The following TMEM14B variants were observed in gnomAD, a reference collection of about 807,000 sequenced individuals.
The protein encoded by TMEM14B is transmembrane protein 14B.
TMEM14B carries 9 observed loss-of-function variants against 14.8 expected under a neutral mutation model. The observed-to-expected ratio is 0.61, with a 90% CI of 0.37 to 1.06. TMEM14B has a LOEUF of 1.06. TMEM14B is among the 50% of genes least tolerant of loss of function. The pLI, the probability that TMEM14B is intolerant of heterozygous loss-of-function variation, is 0.01. For missense variants in TMEM14B, 128 were observed against 143.6 expected (o/e 0.89, Z 0.56); for synonymous variants, 40 against 51.3 (o/e 0.78, Z 0.94).
At chr6:10,749,341 A>G in intron 2 of TMEM14B, 73 bp downstream of exon 2, 1 of 1,570,566 alleles carries the variant, frequency 6.4e-7, no homozygotes, top group Non-Finnish European at 8.8e-7. Flanking sequence ...TCAGCTGAAA[A>G]GAACCCTAAG....
At chr6:10,751,694 T>C (rs1771577267) in intron 4 of TMEM14B, among the ~76,000 whole-genome samples, 1 of 152,046 alleles carries the variant, frequency 6.6e-6, no homozygotes, top group African/African-American at 2.4e-5. Context: ...CTGCGTTACG[T>C]TTTTCACATT....
At chr6:10,757,818 C>T (rs1353204871), downstream of TMEM14B, among the ~76,000 whole-genome samples, 3 of 152,128 alleles carry the variant, frequency 2.0e-5, no homozygotes, top group South Asian at 4.1e-4. Flanking sequence ...TGGTGAAACC[C>T]TGTCTCTACT....
chr6:10,749,782 C>T, intron 3 of TMEM14B, 84 bp downstream of exon 3: 2 of 1,526,450 alleles, frequency 1.3e-6, no homozygotes, highest in Non-Finnish European at 1.8e-6. Context: ...GAGAAGCAAT[C>T]TCGTTTGACT....
chr6:10,751,027 T>C (rs2127494498), intron 3 of TMEM14B, 106 bp from the exon 4 acceptor site: 1 of 1,358,442 alleles, frequency 7.4e-7, no homozygotes, highest in East Asian at 2.4e-5. Flanking sequence ...GTGAGCTGTG[T>C]TGAGAGTTCT....
At chr6:10,755,721 A>G in intron 5 of TMEM14B, 1 of 970,794 alleles carries the variant, frequency 1.0e-6, no homozygotes, top group Non-Finnish European at 1.2e-6. Context: ...GTGGGAGGCC[A>G]TGGCGGGCAT....
At chr6:10,755,353 G>A in intron 5 of TMEM14B, 121 bp downstream of exon 5, 1 of 1,559,504 alleles carries the variant, frequency 6.4e-7, no homozygotes, top group Non-Finnish European at 8.7e-7. Flanking sequence ...ACTGACGTTT[G>A]ACTTATACAC....
chr6:10,759,577 G>C (rs1451906610), downstream of TMEM14B: 1 of 152,170 alleles, frequency 6.6e-6, no homozygotes, highest in Non-Finnish European at 1.5e-5. Context: ...TGTGTAATTG[G>C]ACTTTGTAAA....
At chr6:10,749,542 A>G in intron 2 of TMEM14B, 80 bp from the exon 3 acceptor site, 1 of 1,504,974 alleles carries the variant, frequency 6.6e-7, no homozygotes, top group South Asian at 1.1e-5. Flanking sequence ...ATTACCTTTT[A>G]GCCCCATCCT....
chr6:10,754,411 C>T (rs1477718673), intron 4 of TMEM14B, among the ~76,000 whole-genome samples: 1 of 152,128 alleles, frequency 6.6e-6, no homozygotes, highest in Non-Finnish European at 1.5e-5. Flanking sequence ...GGTGAATGTG[C>T]CATGCTCCCT....
Position 10,749,284 on chromosome 6 carries a change from A to T in TMEM14B, c.23+16A>T. On this transcript the variant is annotated intron_variant, in intron 2 of 5. Coordinates refer to ENST00000379542, the MANE Select transcript of TMEM14B (RefSeq NM_030969.5). The stretch of plus-strand genomic sequence containing the variant: ...TCTTCCCATTGTGAGTAGACAGTAA[A>T]TGGTTAGAGAGTAGCCAGGAGCTTC... 1 of 1,614,080 alleles carries T rather than the reference A, an allele frequency of 6.2e-7. No homozygotes were observed. The highest frequency in any genetic ancestry group is 8.5e-7 in the Non-Finnish European group (1 of 1,179,946).
At chr6:10,752,653 T>C (rs1285889991) in intron 4 of TMEM14B, 1 of 151,968 alleles carries the variant, frequency 6.6e-6, no homozygotes, top group African/African-American at 2.4e-5. Context: ...TGCAGGGTTT[T>C]TGCCATGTTG....
chr6:10,751,125 C>G lies in TMEM14B; in HGVS notation c.101-8C>G. 3.1e-6 allele frequency: 5 copies of G among 1,613,238 alleles called. No homozygotes were observed. Among genetic ancestry groups the G allele is most frequent in the Non-Finnish European group, 4.2e-6 (5 of 1,179,902 alleles). On this transcript the variant is annotated splice_region_variant and splice_polypyrimidine_tract_variant and intron_variant, in intron 3 of 5. Transcript: ENST00000379542. ...ATTACAATGCAAGCTGCGTTTGCTTCCTTCTAGGCAGCGTGCCGTCCCTGG... is the reference window on the plus strand; with the variant it reads ...ATTACAATGCAAGCTGCGTTTGCTTGCTTCTAGGCAGCGTGCCGTCCCTGG...
At chr6:10,758,551 A>G (rs1410509535), downstream of TMEM14B, among the ~76,000 whole-genome samples, 1 of 152,232 alleles carries the variant, frequency 6.6e-6, no homozygotes, top group South Asian at 2.1e-4. Flanking sequence ...CAGTGCAAAG[A>G]ACAAGCCATG....
At chr6:10,750,895 C>T (rs1314614491) in intron 3 of TMEM14B, among the ~76,000 whole-genome samples, 1 of 152,008 alleles carries the variant, frequency 6.6e-6, no homozygotes, top group Non-Finnish European at 1.5e-5. Context: ...GCCTTCTTTC[C>T]TTTCCTTAGA....
intron 1 of TMEM14B, 147 bp from the exon 2 acceptor site, chr6:10,749,055 C>T (rs1771446088): frequency 1.1e-5 from 6 of 569,546 alleles, no homozygotes; most frequent in Non-Finnish European, 1.6e-5. Context: ...TCACAACACC[C>T]CCAGGAAATT....
Position 10,752,213 on chromosome 6 carries a change from G to GA in TMEM14B, c.202+985dup, listed in dbSNP as rs1287893217. Among the ~76,000 whole-genome samples, 4 of 152,014 alleles carry GA rather than the reference G, an allele frequency of 2.6e-5. No homozygotes were observed. In the East Asian group the frequency reaches 5.8e-4, roughly 22 times the overall value. ...CAAATGACCTCACACCTATTGTAGA[G>GA]AAAAAACAGCAGCCATCAGGTGGGG... is the stretch of plus-strand genomic sequence containing the variant. On this transcript the variant is annotated intron_variant, in intron 4 of 5. Transcript: ENST00000379542.
At position 10,756,848 on chromosome 6, in the gene TMEM14B, C is replaced by T. The variant is rs1771825467; in HGVS notation, c.*330C>T. On this transcript the variant is annotated 3_prime_UTR_variant, in exon 6 of 6. Transcript: ENST00000379542. ...GAACCCTGAAACCCCATTCCCTGCTCAGAGGAACAGTGTGAAAAAAAATCT... is the reference window on the plus strand; with the variant it reads ...GAACCCTGAAACCCCATTCCCTGCTTAGAGGAACAGTGTGAAAAAAAATCT... 1.0e-6 allele frequency: 1 copy of T among 1,002,250 alleles called. No individual in the cohort carries two copies. Among genetic ancestry groups the T allele is most frequent in the Non-Finnish European group, 1.2e-6 (1 of 841,386 alleles). 62.1% of individuals were successfully genotyped at this position (1,002,250 alleles called of 1,614,324 possible).
intron 5 of TMEM14B, 102 bp downstream of exon 5, chr6:10,755,334 T>A: frequency 6.3e-7 from 1 of 1,581,738 alleles, no homozygotes. Flanking sequence ...TATCTGATGC[T>A]ATGCATCAAC....
chr6:10,755,172 T>C lies in TMEM14B; in HGVS notation c.233T>C (p.Met78Thr), dbSNP rs374747253. The C allele has an allele frequency of 1.1e-5, 17 of 1,614,020 alleles. No individual in the cohort carries two copies. The highest frequency in any genetic ancestry group is 2.7e-5 in the African/African-American group (2 of 74,922). ...ACATCTGTTACTTTTGTTGGTGTTA[T>C]GGGAATGAGATCCTACTACTATGGA... ...AATSVTFVGV[M>T]GMRSYYYGKF... Residue 78 changes from methionine to threonine, a missense_variant, in exon 5 of 6, where the codon ATG (methionine) becomes ACG (threonine). By Grantham distance (81) the Met-to-Thr change is moderately conservative. Coordinates refer to ENST00000379542, the MANE Select transcript of TMEM14B (RefSeq NM_030969.5).
Sources: allele counts gnomAD v4.1 joint callset (sites outside exome capture counted in the v4.1 genomes callset), GRCh38; gene constraint gnomAD v4.1.1; transcripts MANE v1.5; gene names NCBI Gene and HGNC (gene_info 2026-07-23, HGNC 2026-07-21).